DNAH5: variants seen among roughly 807,000 people sequenced by gnomAD.
The protein encoded by DNAH5 is axonemal beta dynein heavy chain 5.
DNAH5 carries 372 observed loss-of-function variants against 518.2 expected under a neutral mutation model. The ratio of observed to expected loss-of-function variants is 0.72; its 90% CI spans 0.66 to 0.78. The LOEUF is 0.78. Among genes scored for constraint, DNAH5 ranks in the 30% least tolerant of loss-of-function variants. DNAH5 has a pLI of 0.00. For synonymous variants in DNAH5, 2,039 were observed against 2,025.9 expected, an observed-to-expected ratio of 1.01 and a Z score of -0.17; for missense variants, 5,523 against 5,687.0, an observed-to-expected ratio of 0.97 and a Z score of 0.93.
intron 70 of DNAH5, among the ~76,000 whole-genome samples, chr5:13,725,888 G>A (rs779708477): frequency 2.0e-5 from 3 of 152,122 alleles, no homozygotes; most frequent in Non-Finnish European, 2.9e-5. Flanking sequence ...CCCTGACCTC[G>A]TGATCCACCT....
At chr5:13,796,032 T>C (rs1367188082) in intron 47 of DNAH5, among the ~76,000 whole-genome samples, 6 of 152,126 alleles carry the variant, frequency 3.9e-5, no homozygotes, top group African/African-American at 1.4e-4. Context: ...ATAAACTAGG[T>C]ATTGATGGAA....
intron 31 of DNAH5, among the ~76,000 whole-genome samples, chr5:13,848,239 T>C (rs532722442): frequency 2.1e-4 from 32 of 152,350 alleles, no homozygotes; most frequent in African/African-American, 5.5e-4. Context: ...ATCTTTATGT[T>C]AGAAGAATTA....
chr5:13,945,040 C>T (rs1237529370), upstream of DNAH5, among the ~76,000 whole-genome samples: 2 of 152,188 alleles, frequency 1.3e-5, no homozygotes, highest in East Asian at 1.9e-4. Context: ...AATTGTGACC[C>T]ATAGGAGCCA....
chr5:13,744,532 GATATGCT>G (rs1187131875), intron 65 of DNAH5, among the ~76,000 whole-genome samples: 1 of 151,930 alleles, frequency 6.6e-6, no homozygotes, highest in African/African-American at 2.4e-5. Flanking sequence ...TGAGATGATG[GATATGCT>G]AATTACCCCA....
At chr5:13,935,898 A>C (rs1778878493) in intron 1 of DNAH5, among the ~76,000 whole-genome samples, 1 of 152,164 alleles carries the variant, frequency 6.6e-6, no homozygotes, top group South Asian at 2.1e-4. Context: ...ACTTTTCTGG[A>C]GTCCTACTAA....
At chr5:13,870,062 A>G (rs1224903573) in intron 24 of DNAH5, among the ~76,000 whole-genome samples, 15 of 152,216 alleles carry the variant, frequency 9.9e-5, no homozygotes, top group Non-Finnish European at 1.5e-5. Flanking sequence ...AGACATTTTC[A>G]TCTGGAAAAG....
chr5:13,749,893 C>T (rs529303290), intron 65 of DNAH5, among the ~76,000 whole-genome samples: 13 of 152,282 alleles, frequency 8.5e-5, no homozygotes, highest in South Asian at 8.3e-4. Context: ...ATTTTGAAGG[C>T]GGTCATTACC....
chr5:13,806,720 G>A (rs759127663), intron 47 of DNAH5, among the ~76,000 whole-genome samples: 8 of 152,056 alleles, frequency 5.3e-5, no homozygotes, highest in Non-Finnish European at 1.2e-4. Context: ...GTTTCAATAA[G>A]GTCTTGTACA....
chr5:13,845,885 C>A (rs1478573418), intron 31 of DNAH5, among the ~76,000 whole-genome samples: 4 of 143,068 alleles, frequency 2.8e-5, no homozygotes, highest in African/African-American at 1.0e-4. Flanking sequence ...GGCTGGAGTG[C>A]AGTGGCATGA....
intron 14 of DNAH5, chr5:13,900,654 T>C: frequency 1.9e-6 from 1 of 539,696 alleles, no homozygotes; most frequent in Non-Finnish European, 3.3e-6. Flanking sequence ...CTAACACTGA[T>C]AAATAAGTGG....
intron 47 of DNAH5, among the ~76,000 whole-genome samples, chr5:13,796,842 C>A (rs1757903500): frequency 6.6e-6 from 1 of 152,066 alleles, no homozygotes; most frequent in African/African-American, 2.4e-5. Context: ...GGTACTGGTA[C>A]CAAAACAGAG....
chr5:13,778,490 GGA>G, intron 53 of DNAH5, among the ~76,000 whole-genome samples: 1 of 109,464 alleles, frequency 9.1e-6, no homozygotes, highest in Non-Finnish European at 1.9e-5. Flanking sequence ...AAGGAAGGAA[GGA>G]AGGAAGGGAG....
At chr5:13,709,272 A>T (rs560279747) in intron 75 of DNAH5, among the ~76,000 whole-genome samples, 1 of 152,324 alleles carries the variant, frequency 6.6e-6, no homozygotes, top group Admixed American at 6.5e-5. Context: ...ACAAAGAAAT[A>T]GGGTGGCTCA....
At chr5:13,812,669 C>CTAA (rs983480393) in intron 43 of DNAH5, among the ~76,000 whole-genome samples, 1 of 152,010 alleles carries the variant, frequency 6.6e-6, no homozygotes, top group Non-Finnish European at 1.5e-5. Flanking sequence ...TTTATTTCTT[C>CTAA]TAATTTAATT....
intron 43 of DNAH5, 57 bp from the exon 44 acceptor site, chr5:13,811,880 T>C (rs957059448): frequency 1.3e-6 from 2 of 1,556,842 alleles, no homozygotes; most frequent in Non-Finnish European, 1.8e-6. Context: ...AGGAAAATGG[T>C]CATTTGGGGA....
rs140630779 is a variant in DNAH5 at position 13,900,398 on chromosome 5, A to G, written c.2067T>C (p.His689=). The G allele has an allele frequency of 7.7e-5, 124 of 1,614,146 alleles. No individual in the cohort carries two copies. In the African/African-American group the frequency reaches 1.5e-3, roughly 20 times the overall value. ...CCAATAATGAAGCCTCAAGACCTACATGAATTTCTTCAATCTGTGGGAAGA... is the reference window on the plus strand; with the variant it reads ...CCAATAATGAAGCCTCAAGACCTACGTGAATTTCTTCAATCTGTGGGAAGA... ...RAWLRQIEEI[H]VGLEASLLVK... The change falls in exon 15 of 79, where the codon CAT becomes CAC. Residue 689 remains histidine, a synonymous_variant. Transcript: ENST00000265104.
intron 67 of DNAH5, 113 bp from the exon 68 acceptor site, chr5:13,735,434 T>C (rs1282382714): frequency 1.7e-5 from 18 of 1,035,722 alleles, no homozygotes; most frequent in Non-Finnish European, 2.0e-5. Context: ...TTCTTATTTT[T>C]ACACATCAAG....
Position 13,862,623 on chromosome 5 carries a change from C to T in DNAH5, c.4721G>A (p.Arg1574Lys). 6.2e-7 allele frequency: 1 copy of T among 1,614,006 alleles called. No individual in the cohort carries two copies. Among genetic ancestry groups the T allele is most frequent in the Non-Finnish European group, 8.5e-7 (1 of 1,179,964 alleles). Residue 1574 changes from arginine (R) to lysine (K), a missense_variant, in exon 29 of 79, where the codon AGA becomes AAA. Arg to Lys is a conservative substitution (Grantham distance 26). Transcript: ENST00000265104. ...SFKTRGELLL[R>K]GDSTSEIIAN... is the part of the protein sequence containing the mutation. ...GATGATTTCCGAGGTACTGTCTCCT[C>T]TCAAGAGGAGCTCTCCACGGGTTTT...
chr5:13,749,585 G>C (rs1174425780), intron 65 of DNAH5, among the ~76,000 whole-genome samples: 1 of 152,120 alleles, frequency 6.6e-6, no homozygotes, highest in Non-Finnish European at 1.5e-5. Context: ...CAAATTATTT[G>C]TTCCAAGGAG....
Sources: gnomAD v4.1 joint callset for allele counts (sites outside exome capture counted in the v4.1 genomes callset) on GRCh38, gnomAD v4.1.1 for gene constraint, MANE v1.5 for transcripts, NCBI Gene and HGNC (gene_info 2026-07-23, HGNC 2026-07-21) for gene names.